CADM2: variants seen among roughly 807,000 people sequenced by gnomAD.
CADM2 encodes cell adhesion molecule 2.
Under a neutral mutation model 49.8 loss-of-function variants are expected in CADM2, and 12 were observed. That is an observed-to-expected ratio of 0.24 (90% CI 0.15 to 0.39). The LOEUF is 0.39. Among genes scored for constraint, CADM2 ranks in the 10% least tolerant of loss-of-function variants. The pLI is 1.00. For missense variants in CADM2, 378 were observed against 492.3 expected, an observed-to-expected ratio of 0.77 and a Z score of 2.20; for synonymous variants, 214 against 175.4, an observed-to-expected ratio of 1.22 and a Z score of -1.74.
chr3:85,726,250 T>C (rs187582426), intron 1 of CADM2, among the ~76,000 whole-genome samples: 20 of 152,164 alleles, frequency 1.3e-4, no homozygotes, highest in Non-Finnish European at 2.5e-4. Context: ...CTTAAAGTTA[T>C]ACATTCCATT....
At chr3:85,940,200 G>T (rs540347934) in intron 7 of CADM2, among the ~76,000 whole-genome samples, 4 of 148,972 alleles carry the variant, frequency 2.7e-5, no homozygotes, top group African/African-American at 9.9e-5. Flanking sequence ...ATAGCCGGGC[G>T]TGGTGGTGGG....
At chr3:86,064,154 C>T (rs1173831604) in intron 8 of CADM2, among the ~76,000 whole-genome samples, 1 of 151,914 alleles carries the variant, frequency 6.6e-6, no homozygotes, top group Non-Finnish European at 1.5e-5. Flanking sequence ...GTGCTGCCCC[C>T]AGTAACTCGT....
chr3:85,430,587 G>C (rs976149833), intron 1 of CADM2, among the ~76,000 whole-genome samples: 18 of 129,084 alleles, frequency 1.4e-4, no homozygotes, highest in Non-Finnish European at 2.7e-4. Context: ...TTCTAACCAA[G>C]AATTGCGAAT....
intron 4 of CADM2, among the ~76,000 whole-genome samples, chr3:85,884,984 T>C (rs1713370276): frequency 2.0e-5 from 3 of 150,656 alleles, no homozygotes; most frequent in South Asian, 4.2e-4. Context: ...TCCCAAAGTG[T>C]TGGGATTACA....
chr3:85,360,696 T>C (rs1356507297), intron 1 of CADM2, among the ~76,000 whole-genome samples: 1 of 152,194 alleles, frequency 6.6e-6, no homozygotes, highest in African/African-American at 2.4e-5. Context: ...TCCTAATTTT[T>C]CACGTATTTG....
intron 1 of CADM2, among the ~76,000 whole-genome samples, chr3:85,199,546 C>T (rs982638142): frequency 2.6e-5 from 4 of 151,528 alleles, no homozygotes; most frequent in Non-Finnish European, 5.9e-5. Context: ...TTCACATGTT[C>T]ACCTCACAGC....
At position 85,784,194 on chromosome 3, in the gene CADM2, A is replaced by G. The variant is rs2070829890; in HGVS notation, c.89-17853A>G. ...GGAATTTCCTGCAGTTGTCCTCTGT[A>G]TCTTTGGCTAATTCTATTCAATGCC... On this transcript the variant is annotated intron_variant, in intron 2 of 9. Transcript: ENST00000383699. Among the ~76,000 whole-genome samples, 4 of 152,300 alleles carry G rather than the reference A, an allele frequency of 2.6e-5. 1 individual carries two copies. The highest frequency in any genetic ancestry group is 6.8e-3 in the Middle Eastern group (2 of 294).
chr3:85,539,658 C>A (rs968800195), intron 1 of CADM2, among the ~76,000 whole-genome samples: 2 of 152,028 alleles, frequency 1.3e-5, no homozygotes, highest in East Asian at 3.8e-4. Flanking sequence ...GATATGTATT[C>A]CTCCATTTAT....
chr3:84,974,732 AG>A (rs2031699425), intron 1 of CADM2, among the ~76,000 whole-genome samples: 1 of 152,002 alleles, frequency 6.6e-6, no homozygotes, highest in Non-Finnish European at 1.5e-5. Flanking sequence ...TTTGTACAGT[AG>A]ATAAAAACCT....
In CADM2 at chr3:85,007,199, G is replaced by A. The variant is rs116616117; in HGVS notation, c.61+47531G>A. The stretch of plus-strand genomic sequence containing the variant: ...TTTTAATTATTTAGAAAAAATTCTC[G>A]AATCAGGTAGTATTCAAGCTTGTAG... On this transcript the variant is annotated intron_variant, in intron 1 of 9. Coordinates refer to ENST00000383699, the MANE Select transcript of CADM2 (RefSeq NM_001167675.2). Among the ~76,000 whole-genome samples the A allele has an allele frequency of 1.4e-3, 208 of 152,110 alleles. 2 individuals are homozygous for A. The East Asian group carries it at 0.036, about 26-fold the overall frequency.
chr3:85,589,450 A>G (rs1013213214), intron 1 of CADM2, among the ~76,000 whole-genome samples: 1 of 151,998 alleles, frequency 6.6e-6, no homozygotes, highest in Non-Finnish European at 1.5e-5. Flanking sequence ...TAACCAGCCC[A>G]TGATCACCCT....
intron 1 of CADM2, among the ~76,000 whole-genome samples, chr3:85,535,438 ATTT>A (rs2061403966): frequency 6.6e-6 from 1 of 152,098 alleles, no homozygotes; most frequent in Non-Finnish European, 1.5e-5. Context: ...GGGAACGTTG[ATTT>A]CATTTTCTAT....
rs1332511133 is a variant in CADM2 at position 85,560,090 on chromosome 3, A to AT, written c.62-166428dup. 2.0e-5 allele frequency among the ~76,000 whole-genome samples: 3 copies of AT among 152,270 alleles called. No homozygotes were observed. The East Asian group carries it at 5.8e-4, about 29-fold the overall frequency. ...AACACATTAATGTGCTTGTTTATGGATTTTAAAAATGTAGAAGGAAAATTA... is the reference window on the plus strand; with the variant it reads ...AACACATTAATGTGCTTGTTTATGGATTTTTAAAAATGTAGAAGGAAAATTA... On this transcript the variant is annotated intron_variant, in intron 1 of 9. Coordinates refer to ENST00000383699, the MANE Select transcript of CADM2 (RefSeq NM_001167675.2).
At chr3:85,340,621 T>C (rs2107190891) in intron 1 of CADM2, among the ~76,000 whole-genome samples, 1 of 151,692 alleles carries the variant, frequency 6.6e-6, no homozygotes, top group South Asian at 2.1e-4. Context: ...GTTTTTTGGC[T>C]CAATGTATTG....
At chr3:85,772,810 T>C (rs890826927) in intron 2 of CADM2, among the ~76,000 whole-genome samples, 32 of 150,350 alleles carry the variant, frequency 2.1e-4, no homozygotes, top group Admixed American at 1.3e-3. Context: ...TTTTTTTTTT[T>C]CCCTCACAGC....
chr3:85,014,862 A>C (rs1054181081), intron 1 of CADM2, among the ~76,000 whole-genome samples: 1 of 152,194 alleles, frequency 6.6e-6, no homozygotes, highest in Non-Finnish European at 1.5e-5. Context: ...ACAAGGGACT[A>C]CATAGGATGT....
At chr3:85,095,760 G>T (rs2037771764) in intron 1 of CADM2, among the ~76,000 whole-genome samples, 1 of 152,154 alleles carries the variant, frequency 6.6e-6, no homozygotes, top group Admixed American at 6.6e-5. Context: ...TTCCACCAGT[G>T]AACACATCTC....
chr3:85,839,911 C>A (rs974337725), intron 3 of CADM2, among the ~76,000 whole-genome samples: 1 of 151,746 alleles, frequency 6.6e-6, no homozygotes, highest in Non-Finnish European at 1.5e-5. Flanking sequence ...AAAAGAGGAA[C>A]AATAAGTGAA....
intron 1 of CADM2, among the ~76,000 whole-genome samples, chr3:85,688,436 A>G (rs1241050123): frequency 6.6e-6 from 1 of 152,124 alleles, no homozygotes; most frequent in Non-Finnish European, 1.5e-5. Context: ...TATACCTTAA[A>G]TGAAACAGGC....
Sources: allele counts gnomAD v4.1 joint callset (sites outside exome capture counted in the v4.1 genomes callset), GRCh38; gene constraint gnomAD v4.1.1; transcripts MANE v1.5; gene names NCBI Gene and HGNC (gene_info 2026-07-23, HGNC 2026-07-21).